Variants in PLAC1 observed in about 807,000 individuals in gnomAD.
PLAC1 encodes the protein placenta-specific protein 1.
For synonymous variants in PLAC1, 68 were observed against 62.1 expected, an observed-to-expected ratio of 1.09 and a Z score of -0.44; for missense variants, 136 against 163.2, an observed-to-expected ratio of 0.83 and a Z score of 0.91.
intron 2 of PLAC1, among the ~76,000 whole-genome samples, chrX:134,687,657 T>A (rs778672317): frequency 4.1e-4 from 44 of 106,228 alleles, no homozygotes; most frequent in African/African-American, 1.5e-3. Flanking sequence ...GTCTTTCCTA[T>A]CACTTTATGA....
chrX:134,665,625 T>C (rs1048576390), intron 2 of PLAC1, among the ~76,000 whole-genome samples: 1 of 111,296 alleles, frequency 9.0e-6, no homozygotes. Flanking sequence ...CCCTGTGGGA[T>C]GATGCCATTA....
chrX:134,663,409 T>C (rs765116490), upstream of PLAC1, among the ~76,000 whole-genome samples: 1 of 103,334 alleles, frequency 9.7e-6, no homozygotes, highest in South Asian at 4.5e-4. Context: ...TTGGATCACG[T>C]GCCACACATT....
rs186626761 is a variant in PLAC1, at chrX:134,728,027, C to T, written n.174+5408G>A. On this transcript the variant is annotated intron_variant and non_coding_transcript_variant, in intron 2 of 2. Coordinates refer to the PLAC1 transcript ENST00000466797. ...AAAATTCACTAAAGATGTTCAATGG[C>T]GGATTTGAATGGGGAGAAGAAAGAA... 2.1e-3 allele frequency among the ~76,000 whole-genome samples: 231 copies of T among 111,447 alleles called. 1 individual carries two copies. Among genetic ancestry groups the T allele is most frequent in the African/African-American group, 7.1e-3 (217 of 30,752 alleles).
intron 2 of PLAC1, among the ~76,000 whole-genome samples, chrX:134,588,641 C>A (rs1184287106): frequency 9.0e-6 from 1 of 110,687 alleles, no homozygotes; most frequent in African/African-American, 3.3e-5. Context: ...CTGGAGAATA[C>A]TGAAGGATGG....
At chrX:134,626,127 T>C (rs1483429131) in intron 1 of PLAC1, among the ~76,000 whole-genome samples, 1 of 111,924 alleles carries the variant, frequency 8.9e-6, no homozygotes, top group East Asian at 2.8e-4. Flanking sequence ...ACACGTTCCC[T>C]TCAGCCTGAA....
chrX:134,741,781 A>G (rs2078717690), intron 1 of PLAC1, among the ~76,000 whole-genome samples: 1 of 110,563 alleles, frequency 9.0e-6, no homozygotes, highest in Non-Finnish European at 1.9e-5. Flanking sequence ...TTTCCAAAAG[A>G]ATGAGATGCC....
chrX:134,609,129 C>T (rs1424291955), intron 1 of PLAC1, among the ~76,000 whole-genome samples: 7 of 110,867 alleles, frequency 6.3e-5, no homozygotes, highest in Non-Finnish European at 1.3e-4. Flanking sequence ...TGAGCCACCA[C>T]ACCTGGCCTG....
At chrX:134,600,114 C>G (rs2078081352) in intron 2 of PLAC1, among the ~76,000 whole-genome samples, 1 of 110,817 alleles carries the variant, frequency 9.0e-6, no homozygotes, top group South Asian at 3.9e-4. Flanking sequence ...CAGCCTTGAA[C>G]TCCTGGGCTC....
intron 2 of PLAC1, among the ~76,000 whole-genome samples, chrX:134,693,355 T>A (rs994366280): frequency 1.8e-5 from 2 of 112,436 alleles, no homozygotes; most frequent in Admixed American, 9.4e-5. Flanking sequence ...AAGGCATGTC[T>A]CTTTCATTTG....
upstream of PLAC1, among the ~76,000 whole-genome samples, chrX:134,661,335 C>T (rs1334617047): frequency 9.0e-6 from 1 of 111,455 alleles, no homozygotes; most frequent in Non-Finnish European, 1.9e-5. Context: ...CTGCTGTGTC[C>T]CTGGGGCTCA....
intron 2 of PLAC1, among the ~76,000 whole-genome samples, chrX:134,574,090 TCACACACA>T (rs368393395): frequency 1.4e-4 from 15 of 104,328 alleles, no homozygotes; most frequent in African/African-American, 5.4e-4. Flanking sequence ...TCTCTCTCTC[TCACACACA>T]CACACACACA....
At chrX:134,675,674 A>G (rs2078471860) in intron 2 of PLAC1, among the ~76,000 whole-genome samples, 3 of 111,402 alleles carry the variant, frequency 2.7e-5, no homozygotes, top group African/African-American at 9.8e-5. Flanking sequence ...TCAAAAAAAA[A>G]AAAAAAGAAA....
chrX:134,684,337 G>A (rs2078508281), intron 2 of PLAC1, among the ~76,000 whole-genome samples: 1 of 106,756 alleles, frequency 9.4e-6, no homozygotes, highest in Non-Finnish European at 1.9e-5. Flanking sequence ...GCATCATTCA[G>A]GAAGGAAGAG....
At chrX:134,590,109 T>C (rs368580900) in intron 2 of PLAC1, among the ~76,000 whole-genome samples, 7 of 110,217 alleles carry the variant, frequency 6.4e-5, no homozygotes, top group Non-Finnish European at 1.3e-4. Context: ...GCAGGAGAAT[T>C]GCTTCAACCT....
chrX:134,649,770 C>T (rs1331769104), intron 1 of PLAC1, among the ~76,000 whole-genome samples: 3 of 112,120 alleles, frequency 2.7e-5, no homozygotes, highest in Non-Finnish European at 5.6e-5. Flanking sequence ...AAGTGCTGGG[C>T]CTCAGAAAAT....
Position 134,647,496 on chromosome X carries a change from A to G in PLAC1, c.-131+10832T>C, listed in dbSNP as rs1602872854. ...CCCCAGCCTCAGCCTCTCTGACTCC[A>G]GGCTTCAGAGGGTGCCTGTGCCTAT... On this transcript the variant is annotated intron_variant, in intron 1 of 2. Coordinates refer to ENST00000359237, the MANE Select transcript of PLAC1 (RefSeq NM_021796.4). Among the ~76,000 whole-genome samples the G allele has an allele frequency of 2.8e-5, 3 of 107,402 alleles. No individual in the cohort carries two copies. In the Admixed American group the frequency reaches 3.0e-4, roughly 11 times the overall value. The allele number at this position is 107,402 out of a possible 115,157, so 93.3% of individuals were successfully genotyped here.
intron 2 of PLAC1, among the ~76,000 whole-genome samples, chrX:134,591,841 C>T (rs1404270718): frequency 8.9e-6 from 1 of 112,047 alleles, no homozygotes; most frequent in Non-Finnish European, 1.9e-5. Flanking sequence ...TTCAGCTGTT[C>T]TAATAGGTAT....
At chrX:134,675,860 C>G (rs192926812) in intron 2 of PLAC1, among the ~76,000 whole-genome samples, 1 of 111,384 alleles carries the variant, frequency 9.0e-6, no homozygotes, top group Admixed American at 9.5e-5. Flanking sequence ...CAACCCTCTG[C>G]TGTTCTGAGC....
At chrX:134,589,406 T>C (rs1314669323) in intron 2 of PLAC1, among the ~76,000 whole-genome samples, 1 of 111,212 alleles carries the variant, frequency 9.0e-6, no homozygotes, top group African/African-American at 3.3e-5. Context: ...CATTTTCATG[T>C]GCAGAAGATT....
Sources: gnomAD v4.1 joint callset for allele counts (sites outside exome capture counted in the v4.1 genomes callset) on GRCh38, gnomAD v4.1.1 for gene constraint, MANE v1.5 for transcripts, NCBI Gene and HGNC (gene_info 2026-07-23, HGNC 2026-07-21) for gene names.